TTN: variants seen among roughly 807,000 people sequenced by gnomAD.
TTN encodes connectin.
A neutral mutation model predicts 3,223.0 loss-of-function variants in TTN; 1,525 were observed. The ratio of observed to expected loss-of-function variants is 0.47; its 90% CI spans 0.45 to 0.49. The LOEUF is 0.49. TTN is among the 20% of genes least tolerant of loss of function. The pLI, the probability that TTN is intolerant of heterozygous loss-of-function variation, is 0.00. For missense variants in TTN, 40,786 were observed against 43,424.0 expected (o/e 0.94, Z 5.40); for synonymous variants, 14,094 against 15,161.0 (o/e 0.93, Z 5.17).
At position 178,759,153 on chromosome 2, in the gene TTN, G is replaced by A. The variant is rs2154336870; in HGVS notation, c.10134C>T (p.Tyr3378=). ...ATGGCTTGATTTTCTTGTCTTTGCT[G>A]TACCACGACACTTTTAGATCTGCGA... The part of the protein sequence containing the change: ...VSGTDLKVSW[Y]SKDKKIKPSR... Residue 3378 remains tyrosine (Y), a synonymous_variant, in exon 44 of 363, where the codon TAC becomes TAT. Coordinates refer to ENST00000589042, the MANE Select transcript of TTN (RefSeq NM_001267550.2). 6.2e-7 allele frequency: 1 copy of A among 1,613,890 alleles called. No homozygotes were observed. The highest frequency in any genetic ancestry group is 1.1e-5 in the South Asian group (1 of 91,068).
Position 178,691,530 on chromosome 2 carries a change from C to T in TTN, c.31762+486G>A, listed in dbSNP as rs1408361462. On this transcript the variant is annotated intron_variant, in intron 121 of 362. Coordinates refer to ENST00000589042, the MANE Select transcript of TTN (RefSeq NM_001267550.2). ...TGTATGTTCCCCACTATTGAAGACTCGCCACTATTGACTTTTAAGAAGCGT... is the reference window on the plus strand; with the variant it reads ...TGTATGTTCCCCACTATTGAAGACTTGCCACTATTGACTTTTAAGAAGCGT... 5.3e-5 allele frequency among the ~76,000 whole-genome samples: 8 copies of T among 152,166 alleles called. No homozygotes were observed. The South Asian group carries it at 8.3e-4, about 16-fold the overall frequency.
rs754880573 is a variant in TTN, at chr2:178,566,029, G to A, written c.80103C>T (p.Phe26701=). 2 of 1,613,502 alleles carry A rather than the reference G, an allele frequency of 1.2e-6. No homozygotes were observed. The highest frequency in any genetic ancestry group is 1.7e-6 in the Non-Finnish European group (2 of 1,179,604). ...AVKEVRKDSA[F]LVWEPPIIDG... is the part of the protein sequence containing the mutation. ...CAATGATGGGTGGCTCCCATACCAG[G>A]AAGGCAGAATCTTTTCTCACTTCTT... is the stretch of plus-strand genomic sequence containing the variant. The change falls in exon 326 of 363, where the codon TTC becomes TTT. Residue 26701 remains phenylalanine (F), a synonymous_variant. Transcript: ENST00000589042.
In TTN at chr2:178,536,987, G is replaced by T. The variant is rs779537238; in HGVS notation, c.100122C>A (p.Ile33374=). The change falls in exon 356 of 363, where the codon ATC becomes ATA. Residue 33374 remains isoleucine, a synonymous_variant. Coordinates refer to ENST00000589042, the MANE Select transcript of TTN (RefSeq NM_001267550.2). The part of the protein sequence containing the change: ...FRVSAQNTFG[I]SDPLEVSSVV... The stretch of plus-strand genomic sequence containing the variant: ...CTGAGGACACTTCTAGAGGGTCACT[G>T]ATGCCGAAAGTGTTCTGAGCTGAAA... The T allele has an allele frequency of 5.6e-6, 9 of 1,613,350 alleles. No individual in the cohort carries two copies. The highest frequency in any genetic ancestry group is 6.8e-6 in the Non-Finnish European group (8 of 1,179,584).
chr2:178,764,243 G>A lies in TTN; in HGVS notation c.10048C>T (p.Pro3350Ser), dbSNP rs1192725293. ...MPVYPPAIIT[P>S]LQDTVTSEGQ... ...TCAGAAGTGACAGTGTCCTGAAGCG[G>A]GGTGATGATGGCAGGTGGATAAACA... Residue 3350 changes from proline (P) to serine (S), a missense_variant, in exon 43 of 363, where the codon CCG becomes TCG. Transcript: ENST00000589042. The A allele has an allele frequency of 6.2e-7, 1 of 1,614,084 alleles. No homozygotes were observed. The highest frequency in any genetic ancestry group is 8.5e-7 in the Non-Finnish European group (1 of 1,179,996).
intron 84 of TTN, 21 bp downstream of exon 84, chr2:178,718,674 A>T: frequency 6.2e-7 from 1 of 1,611,346 alleles, no homozygotes; most frequent in Non-Finnish European, 8.5e-7. Flanking sequence ...AAAGATGTAT[A>T]TATTGGGGGA....
Position 178,531,143 on chromosome 2 carries a change from G to C in TTN, c.105472C>G (p.Pro35158Ala), listed in dbSNP as rs758006957. The C allele has an allele frequency of 6.8e-6, 11 of 1,613,962 alleles. No homozygotes were observed. The highest frequency in any genetic ancestry group is 8.5e-6 in the Non-Finnish European group (10 of 1,179,874). Residue 35158 changes from proline (P) to alanine (A), a missense_variant, in exon 358 of 363, where the codon CCA (proline) becomes GCA (alanine). Physicochemically the swap from Pro to Ala is conservative, Grantham distance 27. Transcript: ENST00000589042. ...FSCDTDGEPV[P>A]TVTWLRKGQV... ...CCTTTACGCAGCCAGGTCACAGTTG[G>C]TACCGGCTCACCATCGGTGTCACAA...
chr2:178,723,004 T>C, intron 75 of TTN, 42 bp downstream of exon 75: 2 of 1,603,924 alleles, frequency 1.2e-6, no homozygotes, highest in Admixed American at 1.7e-5. Flanking sequence ...TGCTACATGT[T>C]AGAAGAATGC....
rs1280520942 is a variant in TTN, at chr2:178,679,978, G to A, written c.33496C>T (p.Leu11166Phe). The A allele has an allele frequency of 6.2e-7, 1 of 1,612,282 alleles. No individual in the cohort carries two copies. Among genetic ancestry groups the A allele is most frequent in the Admixed American group, 1.7e-5 (1 of 59,850 alleles). Residue 11166 changes from leucine (L) to phenylalanine (F), a missense_variant, in exon 140 of 363, where the codon CTT becomes TTT. Physicochemically the swap from Leu to Phe is conservative, Grantham distance 22. Coordinates refer to ENST00000589042, the MANE Select transcript of TTN (RefSeq NM_001267550.2). ...EEVVTHVEEY[L>F]VEEEEEYIHE... ...ATGTACTCTTCTTCTTCTTCTACAAGATATTCTTCTACATGGGTTACAACT... is the reference window on the plus strand; with the variant it reads ...ATGTACTCTTCTTCTTCTTCTACAAAATATTCTTCTACATGGGTTACAACT...
chr2:178,778,004 G>A (rs770505336), intron 24 of TTN, 29 bp from the exon 25 acceptor site: 137 of 1,608,200 alleles, frequency 8.5e-5, no homozygotes, highest in Middle Eastern at 1.6e-4. Context: ...CAATACTTTC[G>A]TGAGGCATAA....
Position 178,601,572 on chromosome 2 carries a change from A to G in TTN, c.55433-8T>C. On this transcript the variant is annotated splice_polypyrimidine_tract_variant and splice_region_variant and intron_variant, in intron 286 of 362. Coordinates refer to ENST00000589042, the MANE Select transcript of TTN (RefSeq NM_001267550.2). ...TGGGTGGGCCTGGTACATCTGTTGG[A>G]TGTAAATCACAATATAAGCAACGTT... is the stretch of plus-strand genomic sequence containing the variant. 1 of 1,604,938 alleles carries G rather than the reference A, an allele frequency of 6.2e-7. No homozygotes were observed. Among genetic ancestry groups the G allele is most frequent in the Non-Finnish European group, 8.5e-7 (1 of 1,175,524 alleles).
In TTN at chr2:178,571,040, G is replaced by A. The variant is rs756363402; in HGVS notation, c.75092C>T (p.Thr25031Ile). ...AGTGATCTTGCTTCCACCGTCATAGGTGGGTTTCTTCCACTGAAGAGTCAC... is the reference window on the plus strand; with the variant it reads ...AGTGATCTTGCTTCCACCGTCATAGATGGGTTTCTTCCACTGAAGAGTCAC... Reference protein sequence around the residue: ...NSVTLQWKKPTYDGGSKITGY... With the variant: ...NSVTLQWKKPIYDGGSKITGY... Residue 25031 changes from threonine (T) to isoleucine (I), a missense_variant, in exon 326 of 363, where the codon ACC becomes ATC. By Grantham distance (89) the Thr-to-Ile change is moderately conservative. Transcript: ENST00000589042. 3 of 1,612,482 alleles carry A rather than the reference G, an allele frequency of 1.9e-6. No homozygotes were observed. Among genetic ancestry groups the A allele is most frequent in the Non-Finnish European group, 2.5e-6 (3 of 1,178,826 alleles).
Position 178,683,208 on chromosome 2 carries a change from T to C in TTN, c.32887+3A>G, listed in dbSNP as rs796176592. ...CACATTACTTAATCAAAGTTCAATA[T>C]ACCTTTGATGGGTTGAGGTTCTCTT... is the stretch of plus-strand genomic sequence containing the variant. On this transcript the variant is annotated splice_donor_region_variant and intron_variant, in intron 134 of 362. Coordinates refer to ENST00000589042, the MANE Select transcript of TTN (RefSeq NM_001267550.2). 5 of 1,537,322 alleles carry C rather than the reference T, an allele frequency of 3.3e-6. No homozygotes were observed. The highest frequency in any genetic ancestry group is 2.4e-5 in the South Asian group (2 of 83,934).
chr2:178,732,021 A>T, intron 57 of TTN, 45 bp downstream of exon 57: 1 of 1,589,364 alleles, frequency 6.3e-7, no homozygotes, highest in South Asian at 1.2e-5. Context: ...GGTCTGTGCC[A>T]TGGGCCATAA....
In TTN at chr2:178,741,468, T is replaced by C. The variant is rs1317752900; in HGVS notation, c.11765A>G (p.Glu3922Gly). ...KGEGHKDTET[E>G]SAVAKSLEKL... is the part of the protein sequence containing the mutation. ...TTCCAGAGATTTTGCCACTGCTGATTCTGTTTCAGTGTCTTTGTGACCCTC... is the reference window on the plus strand; with the variant it reads ...TTCCAGAGATTTTGCCACTGCTGATCCTGTTTCAGTGTCTTTGTGACCCTC... Residue 3922 changes from glutamate (E) to glycine (G), a missense_variant, in exon 48 of 363, where the codon GAA (glutamate) becomes GGA (glycine). Transcript: ENST00000589042. The C allele has an allele frequency of 6.2e-7, 1 of 1,613,890 alleles. No homozygotes were observed. Among genetic ancestry groups the C allele is most frequent in the African/African-American group, 1.3e-5 (1 of 75,038 alleles).
rs201226615 is a variant in TTN at position 178,588,027 on chromosome 2, C to T, written c.63380G>A (p.Arg21127His). The change falls in exon 305 of 363, where the codon CGC becomes CAC. Residue 21127 changes from arginine (R) to histidine (H), a missense_variant. Physicochemically the swap from Arg to His is conservative, Grantham distance 29. Transcript: ENST00000589042. ...KRCNAAAQLV[R>H]KEFTVTSLDE... ...CAAGCTGGTAACAGTGAATTCCTTG[C>T]GTACAAGCTGTGCTGCAGCATTACA... 1.1e-5 allele frequency: 18 copies of T among 1,612,946 alleles called. No individual in the cohort carries two copies. Among genetic ancestry groups the T allele is most frequent in the East Asian group, 4.5e-5 (2 of 44,652 alleles).
intron 112 of TTN, among the ~76,000 whole-genome samples, chr2:178,698,107 C>T (rs1346057786): frequency 6.6e-6 from 1 of 152,118 alleles, no homozygotes; most frequent in African/African-American, 2.4e-5. Flanking sequence ...ATGGATAGAA[C>T]TGGAGATTAT....
intron 47 of TTN, chr2:178,751,940 C>A: frequency 1.3e-6 from 2 of 1,587,960 alleles, no homozygotes; most frequent in South Asian, 2.3e-5. Context: ...ACTTGCATAT[C>A]TTTTAGCAGC....
chr2:178,646,419 A>G (rs1227101025), intron 216 of TTN, 66 bp downstream of exon 216: 5 of 1,130,414 alleles, frequency 4.4e-6, no homozygotes, highest in Admixed American at 2.1e-5. Flanking sequence ...GTACAACAAC[A>G]TAAACCATAT....
At position 178,563,747 on chromosome 2, in the gene TTN, GT is replaced by G. The variant is rs1334890238; in HGVS notation, c.82384del (p.Thr27462ArgfsTer26). On this transcript the variant is annotated frameshift_variant, in exon 326 of 363. Transcript: ENST00000589042. LOFTEE classifies it high-confidence loss of function. The surrounding 1 kb of genome is among the most constrained non-coding windows in gnomAD (Gnocchi z 4.5). ...IGEPLESGPV[T>X]ACNPYKPPGP... ...TGGTGGCTTATAAGGATTACAGGCC[GT>G]AACAGGCCCAGATTCCAAGGGCTCT... 1 of 1,613,524 alleles carries G rather than the reference GT, an allele frequency of 6.2e-7. No individual in the cohort carries two copies. The highest frequency in any genetic ancestry group is 8.5e-7 in the Non-Finnish European group (1 of 1,179,756).
Sources: gnomAD v4.1 joint callset for allele counts (sites outside exome capture counted in the v4.1 genomes callset) on GRCh38, gnomAD v4.1.1 for gene constraint, Gnocchi (gnomAD v3.1) non-coding constraint, MANE v1.5 for transcripts, NCBI Gene and HGNC (gene_info 2026-07-23, HGNC 2026-07-21) for gene names.